The following HDAC9 variants were observed in gnomAD, a reference collection of about 807,000 sequenced individuals.
HDAC9 encodes MEF-2 interacting transcription repressor (MITR) protein.
A neutral mutation model predicts 139.4 loss-of-function variants in HDAC9; 41 were observed. The ratio of observed to expected loss-of-function variants is 0.29; its 90% CI spans 0.23 to 0.38. The LOEUF (loss-of-function observed/expected upper bound fraction) is 0.38. Ranked by LOEUF, HDAC9 falls within the 10% of genes least tolerant of loss-of-function variation. The pLI is 1.00. For missense variants in HDAC9, 1,147 were observed against 1,297.0 expected (o/e 0.88, Z 1.78); for synonymous variants, 517 against 476.2 (o/e 1.09, Z -1.12).
At position 18,904,698 on chromosome 7, in the gene HDAC9, T is replaced by C. The variant is rs571185777; in HGVS notation, c.2803+30102T>C. Among the ~76,000 whole-genome samples, 124 of 147,618 alleles carry C rather than the reference T, an allele frequency of 8.4e-4. No individual in the cohort carries two copies. The South Asian group carries it at 0.01, about 12-fold the overall frequency. ...TCACGCCATTCTCCTGCCTCAGCCT[T>C]CCGAGTAGCTGGGACTACAGGCAAC... On this transcript the variant is annotated intron_variant, in intron 22 of 25. Coordinates refer to ENST00000686413, the MANE Select transcript of HDAC9 (RefSeq NM_178425.4).
chr7:18,246,846 G>A (rs553326593), intron 2 of HDAC9, among the ~76,000 whole-genome samples: 30 of 152,210 alleles, frequency 2.0e-4, no homozygotes, highest in African/African-American at 7.0e-4. Context: ...CCAGGTGAGA[G>A]GAGATAATGG....
intron 8 of HDAC9, among the ~76,000 whole-genome samples, chr7:18,636,273 C>T (rs777662991): frequency 6.6e-6 from 1 of 152,222 alleles, no homozygotes; most frequent in South Asian, 2.1e-4. Context: ...GCCCCTCTTA[C>T]TGCTGTGTCC....
chr7:18,095,798 T>C (rs1180632104), intron 1 of HDAC9, among the ~76,000 whole-genome samples: 3 of 152,228 alleles, frequency 2.0e-5, no homozygotes, highest in African/African-American at 7.2e-5. Flanking sequence ...TTGAACTCTG[T>C]GACAAATGAT....
intron 1 of HDAC9, among the ~76,000 whole-genome samples, chr7:18,335,098 G>C (rs1352052769): frequency 3.3e-5 from 5 of 151,298 alleles, no homozygotes; most frequent in Non-Finnish European, 7.4e-5. Flanking sequence ...GATTGAAAAG[G>C]GATTAAGAGA....
chr7:18,693,172 C>T (rs866100809), intron 12 of HDAC9, among the ~76,000 whole-genome samples: 1 of 151,916 alleles, frequency 6.6e-6, no homozygotes, highest in Non-Finnish European at 1.5e-5. Flanking sequence ...AGTCCTGGGA[C>T]TCACAGAAAA....
chr7:18,954,544 T>G (rs17150262), intron 24 of HDAC9, among the ~76,000 whole-genome samples: 2,201 of 151,768 alleles, frequency 0.015, 61 homozygotes, highest in African/African-American at 0.051. Flanking sequence ...TAATCCAATC[T>G]TAATGAAGGG....
intron 16 of HDAC9, among the ~76,000 whole-genome samples, chr7:18,772,520 G>A (rs1182400559): frequency 6.6e-6 from 1 of 151,974 alleles, no homozygotes; most frequent in East Asian, 1.9e-4. Flanking sequence ...AGTAATCAGG[G>A]TAATGTTAAT....
chr7:18,138,286 A>T (rs1171351989), intron 1 of HDAC9, among the ~76,000 whole-genome samples: 2 of 151,886 alleles, frequency 1.3e-5, no homozygotes, highest in Admixed American at 1.3e-4. Context: ...TAAGGGTTCT[A>T]AGGAGACCAT....
chr7:18,154,199 A>T (rs982103987), intron 1 of HDAC9, among the ~76,000 whole-genome samples: 2 of 151,948 alleles, frequency 1.3e-5, no homozygotes, highest in African/African-American at 4.8e-5. Flanking sequence ...CATCCAAGTG[A>T]TTTTTTTATA....
chr7:18,990,968 C>CT, intron 25 of HDAC9, among the ~76,000 whole-genome samples: 1 of 152,356 alleles, frequency 6.6e-6, no homozygotes, highest in East Asian at 1.9e-4. Flanking sequence ...GAGATGAACC[C>CT]GGTACCTCAG....
chr7:18,136,911 C>A (rs1187169004), intron 1 of HDAC9, among the ~76,000 whole-genome samples: 3 of 151,676 alleles, frequency 2.0e-5, no homozygotes, highest in Admixed American at 6.6e-5. Flanking sequence ...GCCATTTTCA[C>A]GATATTGATT....
chr7:18,772,811 T>C (rs947655067), intron 16 of HDAC9, among the ~76,000 whole-genome samples: 1 of 152,124 alleles, frequency 6.6e-6, no homozygotes, highest in Admixed American at 6.6e-5. Flanking sequence ...TTTAGTTTCA[T>C]GCTGCAAATT....
intron 22 of HDAC9, among the ~76,000 whole-genome samples, chr7:18,916,247 A>G (rs1439701786): frequency 6.6e-6 from 1 of 151,968 alleles, no homozygotes; most frequent in Non-Finnish European, 1.5e-5. Flanking sequence ...AGCATTGAAG[A>G]GAGTAATTAG....
At chr7:18,489,041 C>A (rs1280053917) in intron 1 of HDAC9, among the ~76,000 whole-genome samples, 1 of 151,690 alleles carries the variant, frequency 6.6e-6, no homozygotes, top group African/African-American at 2.4e-5. Context: ...AAATGAATAA[C>A]AATGAAATAT....
intron 2 of HDAC9, among the ~76,000 whole-genome samples, chr7:18,274,024 A>C (rs1796554827): frequency 1.3e-5 from 2 of 152,216 alleles, no homozygotes; most frequent in African/African-American, 2.4e-5. Flanking sequence ...TCACCTATAT[A>C]TGTAGTAAAG....
At chr7:18,462,643 T>C (rs1008649858) in intron 1 of HDAC9, among the ~76,000 whole-genome samples, 10 of 152,070 alleles carry the variant, frequency 6.6e-5, no homozygotes, top group African/African-American at 2.4e-4. Context: ...ATATATTCTT[T>C]TGTGACTGGC....
chr7:18,391,417 A>G (rs1378405462), intron 1 of HDAC9, among the ~76,000 whole-genome samples: 2 of 151,816 alleles, frequency 1.3e-5, no homozygotes, highest in Admixed American at 6.5e-5. Flanking sequence ...AAAAAAGAAG[A>G]GAGAACATTG....
intron 2 of HDAC9, among the ~76,000 whole-genome samples, chr7:18,525,333 T>A (rs1431179098): frequency 2.0e-5 from 3 of 152,166 alleles, no homozygotes; most frequent in Non-Finnish European, 4.4e-5. Context: ...TTAAATATTT[T>A]AAAGTACCTA....
intron 7 of HDAC9, among the ~76,000 whole-genome samples, chr7:18,631,849 A>G (rs553852233): frequency 6.6e-6 from 1 of 152,156 alleles, no homozygotes; most frequent in East Asian, 1.9e-4. Context: ...CAGAGATCTC[A>G]GAAAATCAGT....
Sources: gnomAD v4.1 joint callset for allele counts (sites outside exome capture counted in the v4.1 genomes callset) on GRCh38, gnomAD v4.1.1 for gene constraint, MANE v1.5 for transcripts, NCBI Gene and HGNC (gene_info 2026-07-23, HGNC 2026-07-21) for gene names.